The following SLC8A2 variants were observed in gnomAD, a reference collection of about 807,000 sequenced individuals.
SLC8A2 encodes the protein sodium/calcium exchanger 2.
Under a neutral mutation model 70.2 loss-of-function variants are expected in SLC8A2, and 14 were observed. The ratio of observed to expected loss-of-function variants is 0.20; its 90% confidence interval spans 0.13 to 0.31. The LOEUF (loss-of-function observed/expected upper bound fraction) is 0.31, where lower values mean the gene tolerates loss of function less well. Ranked by LOEUF, SLC8A2 falls within the 10% of genes least tolerant of loss-of-function variation. The pLI is 1.00. For synonymous variants in SLC8A2, 575 were observed against 594.3 expected, an observed-to-expected ratio of 0.97 and a Z score of 0.47; for missense variants, 779 against 1,320.1, an observed-to-expected ratio of 0.59 and a Z score of 6.35.
intron 6 of SLC8A2, 102 bp downstream of exon 6, chr19:47,441,067 C>T (rs1272598577): frequency 3.3e-6 from 4 of 1,197,662 alleles, no homozygotes; most frequent in Non-Finnish European, 4.9e-6. Context: ...TCCAATCTGC[C>T]TCAAACCCAA....
intron 1 of SLC8A2, among the ~76,000 whole-genome samples, chr19:47,471,524 G>T (rs929903385): frequency 6.6e-6 from 1 of 151,540 alleles, no homozygotes; most frequent in African/African-American, 2.4e-5. Flanking sequence ...CCCAGACGGG[G>T]TGGGGGCGGG....
intron 8 of SLC8A2, among the ~76,000 whole-genome samples, chr19:47,435,795 G>C (rs1158734507): frequency 6.6e-6 from 1 of 151,978 alleles, no homozygotes; most frequent in Non-Finnish European, 1.5e-5. Flanking sequence ...TGATCCACCT[G>C]CCTCGGCCTC....
intron 8 of SLC8A2, among the ~76,000 whole-genome samples, chr19:47,434,838 A>C (rs1453415866): frequency 6.6e-6 from 1 of 152,194 alleles, no homozygotes; most frequent in Non-Finnish European, 1.5e-5. Context: ...CCAAGCTCTG[A>C]TCCAGACACT....
rs1188649394 is a variant in SLC8A2 at position 47,457,020 on chromosome 19, G to A, written c.1250C>T (p.Thr417Met). 6.2e-7 allele frequency: 1 copy of A among 1,612,116 alleles called. No homozygotes were observed. Among genetic ancestry groups the A allele is most frequent in the Non-Finnish European group, 8.5e-7 (1 of 1,179,294 alleles). ...GCTGTTGCCCTCGCCGCCCTGGCACGTGACGGACAGCAGCACGGAGCCGCA... is the reference window on the plus strand; with the variant it reads ...GCTGTTGCCCTCGCCGCCCTGGCACATGACGGACAGCAGCACGGAGCCGCA... ...ENCGSVLLSV[T>M]CQGGEGNSTF... The change falls in exon 3 of 10, where the codon ACG becomes ATG. Residue 417 changes from threonine (T) to methionine (M), a missense_variant. By Grantham distance (81) the Thr-to-Met change is moderately conservative (BLOSUM62 -1). Around this residue, in one of 6 missense-constraint regions of SLC8A2, gnomAD observed 186 missense variants for 246.6 expected, o/e 0.75. Coordinates refer to ENST00000236877, the MANE Select transcript of SLC8A2 (RefSeq NM_015063.3).
Position 47,447,506 on chromosome 19 carries a change from T to TA in SLC8A2, c.1763+302dup, listed in dbSNP as rs1359152383. The stretch of plus-strand genomic sequence containing the variant: ...ACCCCACCAGGCCCCGCCCACGTGG[T>TA]AGACACAGCACACCTAGGCCCCGCC... On this transcript the variant is annotated intron_variant, in intron 4 of 9. Coordinates refer to ENST00000236877, the MANE Select transcript of SLC8A2 (RefSeq NM_015063.3). The surrounding 1 kb of genome is among the most constrained non-coding windows in gnomAD (Gnocchi z 5.1). 1 of 432,758 alleles carries TA rather than the reference T, an allele frequency of 2.3e-6. No homozygotes were observed. Among genetic ancestry groups the TA allele is most frequent in the African/African-American group, 2.1e-5 (1 of 46,874 alleles). The allele number at this position is 432,758 out of a possible 1,614,324, so 26.8% of individuals were successfully genotyped here. A position where few individuals can be genotyped will look rare whatever the true frequency, so the allele number is the denominator to read the frequency against.
chr19:47,441,457 G>C lies in SLC8A2; in HGVS notation c.1764-17C>G. ...AGAGTTTTCCTGTGCAGGGGGTAAG[G>C]GGGAGGCAGAACACTCAGTGTAAGG... On this transcript the variant is annotated splice_polypyrimidine_tract_variant and intron_variant, in intron 4 of 9. Coordinates refer to ENST00000236877, the MANE Select transcript of SLC8A2 (RefSeq NM_015063.3). 6.6e-7 allele frequency: 1 copy of C among 1,504,648 alleles called. No homozygotes were observed. The highest frequency in any genetic ancestry group is 9.2e-7 in the Non-Finnish European group (1 of 1,086,418). 93.2% of individuals were successfully genotyped at this position (1,504,648 alleles called of 1,614,324 possible). A position where few individuals can be genotyped will look rare whatever the true frequency, so the allele number is the denominator to read the frequency against.
chr19:47,459,186 TTC>T (rs1967356787), intron 2 of SLC8A2, among the ~76,000 whole-genome samples: 1 of 151,556 alleles, frequency 6.6e-6, no homozygotes, highest in South Asian at 2.1e-4. Context: ...TCCCCCACAT[TTC>T]TCTCTCTCCA....
chr19:47,447,653 TG>T lies in SLC8A2; in HGVS notation c.1763+155del. 1.1e-5 allele frequency: 7 copies of T among 647,864 alleles called. No homozygotes were observed. Among genetic ancestry groups the T allele is most frequent in the Non-Finnish European group, 1.7e-5 (7 of 415,644 alleles). The allele number at this position is 647,864 out of a possible 1,614,324, so 40.1% of individuals were successfully genotyped here. ...CATGGGTCACAGGCCCCGCCCACGTTGCGGGCACGGCCACGCAGGCCCCTCC... is the reference window on the plus strand; with the variant it reads ...CATGGGTCACAGGCCCCGCCCACGTTCGGGCACGGCCACGCAGGCCCCTCC... On this transcript the variant is annotated intron_variant, in intron 4 of 9. Coordinates refer to ENST00000236877, the MANE Select transcript of SLC8A2 (RefSeq NM_015063.3). The surrounding 1 kb of genome is among the most constrained non-coding windows in gnomAD (Gnocchi z 5.1).
rs1479195257 is a variant in SLC8A2, at chr19:47,466,938, C to G, written c.-16-519G>C. On this transcript the variant is annotated intron_variant, in intron 1 of 9. Transcript: ENST00000236877. The surrounding 1 kb of genome is among the most constrained non-coding windows in gnomAD (Gnocchi z 6.9). ...TGGGCAGGGTGGCGGGAGCCTGTAA[C>G]CCCAGCTACTCGGGAGGCTGAGGCA... Among the ~76,000 whole-genome samples, 2 of 151,970 alleles carry G rather than the reference C, an allele frequency of 1.3e-5. No individual in the cohort carries two copies. Among genetic ancestry groups the G allele is most frequent in the East Asian group, 3.9e-4 (2 of 5,186 alleles).
intron 6 of SLC8A2, among the ~76,000 whole-genome samples, chr19:47,440,683 C>G (rs1257723050): frequency 6.6e-6 from 1 of 152,130 alleles, no homozygotes. Context: ...CCTCCACCTC[C>G]CGGGTTCGAG....
chr19:47,444,036 T>C (rs1967129744), intron 4 of SLC8A2, among the ~76,000 whole-genome samples: 1 of 151,966 alleles, frequency 6.6e-6, no homozygotes. Context: ...GCTGGAAATA[T>C]AAGCGTGTGC....
chr19:47,451,786 C>A (rs1967238027), intron 3 of SLC8A2, among the ~76,000 whole-genome samples: 1 of 152,180 alleles, frequency 6.6e-6, no homozygotes. Flanking sequence ...GGACTCCAAT[C>A]ATCAGGAAGC....
At chr19:47,457,653 T>A in intron 2 of SLC8A2, 59 bp from the exon 3 acceptor site, 1 of 1,184,750 alleles carries the variant, frequency 8.4e-7, no homozygotes, top group Non-Finnish European at 1.2e-6. Context: ...TCCCCGCCTC[T>A]CTGTCTCAGT....
intron 4 of SLC8A2, among the ~76,000 whole-genome samples, chr19:47,443,867 C>T (rs1291234570): frequency 1.3e-5 from 2 of 152,108 alleles, no homozygotes; most frequent in Non-Finnish European, 2.9e-5. Flanking sequence ...TGACTCTCTC[C>T]GTTCTCTGTC....
chr19:47,430,531 C>T lies in SLC8A2; in HGVS notation c.2390-66G>A. ...GCCACCCACAGGGGCGGGCATCCGC[C>T]TGCCCCCTCCCAGCCTTTCCCGGTC... On this transcript the variant is annotated intron_variant, in intron 9 of 9. Coordinates refer to ENST00000236877, the MANE Select transcript of SLC8A2 (RefSeq NM_015063.3). This position sits in a 1 kb window ranked among gnomAD's most constrained non-coding sequence, Gnocchi z 5.9. 6.8e-7 allele frequency: 1 copy of T among 1,461,060 alleles called. No individual in the cohort carries two copies. Among genetic ancestry groups the T allele is most frequent in the Non-Finnish European group, 9.1e-7 (1 of 1,103,742 alleles). 90.5% of individuals were successfully genotyped at this position (1,461,060 alleles called of 1,614,324 possible).
intron 9 of SLC8A2, among the ~76,000 whole-genome samples, chr19:47,431,010 C>A (rs1043381471): frequency 1.3e-5 from 2 of 151,442 alleles, no homozygotes; most frequent in South Asian, 4.2e-4. Context: ...AGGTATGAGC[C>A]ACCGCGCCTA....
Position 47,432,504 on chromosome 19 carries a change from G to GA in SLC8A2, c.2111-60_2111-59insT. 1 of 1,484,640 alleles carries GA rather than the reference G, an allele frequency of 6.7e-7. No homozygotes were observed. The highest frequency in any genetic ancestry group is 9.0e-7 in the Non-Finnish European group (1 of 1,113,528). The allele number at this position is 1,484,640 out of a possible 1,614,324, so 92.0% of individuals were successfully genotyped here. A position where few individuals can be genotyped will look rare whatever the true frequency, so the allele number is the denominator to read the frequency against. On this transcript the variant is annotated intron_variant, in intron 8 of 9. Coordinates refer to ENST00000236877, the MANE Select transcript of SLC8A2 (RefSeq NM_015063.3). The surrounding 1 kb of genome is among the most constrained non-coding windows in gnomAD (Gnocchi z 6.2). The stretch of plus-strand genomic sequence containing the variant: ...CAGACTTCCTTCCTTGCCTACAGAG[G>GA]CCCCATTTTGTCTAACTTCCTGACA...
intron 6 of SLC8A2, among the ~76,000 whole-genome samples, chr19:47,439,475 A>G (rs1010932186): frequency 1.6e-4 from 25 of 151,606 alleles, no homozygotes; most frequent in African/African-American, 5.8e-4. Flanking sequence ...GGAGGTTGCC[A>G]TGAGCCGAGA....
At position 47,457,487 on chromosome 19, in the gene SLC8A2, G is replaced by A. The variant is rs764932438; in HGVS notation, c.783C>T (p.Arg261=). The change falls in exon 3 of 10, where the codon CGC becomes CGT. Residue 261 remains arginine, a synonymous_variant. Transcript: ENST00000236877. ...LFYKYVYKRY[R]TDPRSGIIIG... Reference sequence around the variant, plus strand: ...TGATGATGCCGCTGCGTGGGTCGGTGCGGTAGCGCTTGTACACGTACTTGT... The same window carrying A: ...TGATGATGCCGCTGCGTGGGTCGGTACGGTAGCGCTTGTACACGTACTTGT... 3.7e-6 allele frequency: 6 copies of A among 1,609,440 alleles called. No homozygotes were observed. The highest frequency in any genetic ancestry group is 3.3e-5 in the South Asian group (3 of 89,882).
Sources: allele counts gnomAD v4.1 joint callset (sites outside exome capture counted in the v4.1 genomes callset), GRCh38; gene constraint gnomAD v4.1.1; regional missense constraint gnomAD v4.1.1; non-coding constraint Gnocchi (gnomAD v3.1); transcripts MANE v1.5; gene names NCBI Gene and HGNC (gene_info 2026-07-23, HGNC 2026-07-21).